LTN1: variants seen among roughly 807,000 people sequenced by gnomAD.
The protein encoded by LTN1 is listerin E3 ubiquitin protein ligase 1.
LTN1 carries 88 observed loss-of-function variants against 201.2 expected under a neutral mutation model. That is an observed-to-expected ratio of 0.44 (90% confidence interval 0.37 to 0.52). The LOEUF (loss-of-function observed/expected upper bound fraction) is 0.52, where lower values mean the gene tolerates loss of function less well. Among genes scored for constraint, LTN1 ranks in the 20% least tolerant of loss-of-function variants. The pLI is 0.00. For missense variants in LTN1, 1,752 were observed against 2,038.7 expected (o/e 0.86, Z 2.71); for synonymous variants, 645 against 713.5 (o/e 0.90, Z 1.53).
intron 6 of LTN1, among the ~76,000 whole-genome samples, chr21:28,974,736 T>A (rs2084602019): frequency 6.6e-6 from 1 of 152,198 alleles, no homozygotes; most frequent in Non-Finnish European, 1.5e-5. Flanking sequence ...ATATTCTGTA[T>A]TTTAACAGCC....
At position 28,968,042 on chromosome 21, in the gene LTN1, T is replaced by C. The variant is rs1048371489; in HGVS notation, c.1312-863A>G. 2.6e-5 allele frequency: 4 copies of C among 152,156 alleles called. 1 individual carries two copies. The highest frequency in any genetic ancestry group is 2.0e-4 in the Admixed American group (3 of 15,270). The allele number at this position is 152,156 out of a possible 1,614,324, so 9.4% of individuals were successfully genotyped here. A position where few individuals can be genotyped will look rare whatever the true frequency, so the allele number is the denominator to read the frequency against. On this transcript the variant is annotated intron_variant, in intron 9 of 29. Coordinates refer to ENST00000361371, the MANE Select transcript of LTN1 (RefSeq NM_015565.3). ...GAAGGTAAAAAATTGAAAAGTTCAA[T>C]TTTCAAGAGAAAATTTAAACAAAGT...
intron 6 of LTN1, 47 bp downstream of exon 6, chr21:28,981,072 G>T (rs2084654768): frequency 8.7e-7 from 1 of 1,154,848 alleles, no homozygotes. Flanking sequence ...AAGAAGATGG[G>T]GGTAAGGAAT....
chr21:28,988,058 G>A (rs2705658), intron 1 of LTN1, among the ~76,000 whole-genome samples: 89,439 of 150,490 alleles, frequency 0.59, 29,244 homozygotes, highest in South Asian at 0.76. Flanking sequence ...CAAGAGAATC[G>A]CTTGAACCGG....
In LTN1 at chr21:28,984,339, G is replaced by GTA. The variant is rs148605029; in HGVS notation, c.576+351_576+352dup. Reference sequence around the variant, plus strand: ...AAGAAAAAGACACTAAGTTAGATCTGTATATATATATATATTGATATGGAA... The same window carrying GTA: ...AAGAAAAAGACACTAAGTTAGATCTGTATATATATATATATATTGATATGGAA... On this transcript the variant is annotated intron_variant, in intron 4 of 29. Coordinates refer to ENST00000361371, the MANE Select transcript of LTN1 (RefSeq NM_015565.3). Among the ~76,000 whole-genome samples the GTA allele has an allele frequency of 3.5e-3, 524 of 149,674 alleles. 2 individuals are homozygous for GTA. Among genetic ancestry groups the GTA allele is most frequent in the Admixed American group, 4.1e-3 (61 of 15,034 alleles).
chr21:28,956,885 A>T lies in LTN1; in HGVS notation c.2956T>A (p.Phe986Ile), dbSNP rs765183363. The T allele has an allele frequency of 6.2e-7, 1 of 1,611,816 alleles. No homozygotes were observed. Among genetic ancestry groups the T allele is most frequent in the South Asian group, 1.1e-5 (1 of 90,716 alleles). The change falls in exon 16 of 30, where the codon TTT (phenylalanine) becomes ATT (isoleucine). Residue 986 changes from phenylalanine to isoleucine, a missense_variant. Phe to Ile is a conservative substitution (Grantham distance 21). This residue lies in a region of LTN1 where 1,211 missense variants were observed against 1,312.8 expected (regional missense o/e 0.92). Transcript: ENST00000361371. ...AGTGTCTTTATGTCCTGTTCCTTAA[A>T]ATCTGTTTTGAAACATTCATAATTC... ...SLNYECFKTD[F>I]KEQDIKTLPS...
At chr21:28,950,886 T>C (rs1325659682) in intron 18 of LTN1, among the ~76,000 whole-genome samples, 1 of 152,112 alleles carries the variant, frequency 6.6e-6, no homozygotes, top group Admixed American at 6.6e-5. Flanking sequence ...TGCTAGAGAT[T>C]AGGACAATGG....
chr21:28,961,775 T>C (rs2146292446), intron 11 of LTN1, among the ~76,000 whole-genome samples: 1 of 152,282 alleles, frequency 6.6e-6, no homozygotes, highest in Admixed American at 6.5e-5. Flanking sequence ...ATCTGTTTTT[T>C]AATTGATGGT....
intron 15 of LTN1, 71 bp downstream of exon 15, chr21:28,957,261 A>G (rs1309743295): frequency 4.3e-6 from 6 of 1,390,822 alleles, no homozygotes; most frequent in Non-Finnish European, 5.8e-6. Context: ...CTTCCCCAAA[A>G]TAAAAATATT....
rs1435601781 is a variant in LTN1, at chr21:28,956,883, A to C, written c.2958T>G (p.Phe986Leu). ...SLNYECFKTD[F>L]KEQDIKTLPS... ...GAAGTGTCTTTATGTCCTGTTCCTT[A>C]AAATCTGTTTTGAAACATTCATAAT... Residue 986 changes from phenylalanine (F) to leucine (L), a missense_variant, in exon 16 of 30, where the codon TTT becomes TTG. Transcript: ENST00000361371. 1 of 1,611,676 alleles carries C rather than the reference A, an allele frequency of 6.2e-7. No homozygotes were observed. The highest frequency in any genetic ancestry group is 1.7e-5 in the Admixed American group (1 of 59,728).
intron 27 of LTN1, 124 bp from the exon 28 acceptor site, chr21:28,932,788 C>T: frequency 1.6e-6 from 1 of 613,180 alleles, no homozygotes; most frequent in Non-Finnish European, 2.8e-6. Context: ...AATACATTCA[C>T]TTATCTGACA....
At chr21:28,945,215 T>C (rs1279741280) in intron 21 of LTN1, among the ~76,000 whole-genome samples, 2 of 151,978 alleles carry the variant, frequency 1.3e-5, no homozygotes, top group Admixed American at 6.6e-5. Flanking sequence ...AGCGAGATTC[T>C]ATCTCAAATT....
rs140470462 is a variant in LTN1, at chr21:28,987,523, T to C, written c.43-589A>G. ...ACTCATTTCCACACACTCCAAAGCC[T>C]AGCCTAACCTCTTTGGGCTAAAATT... On this transcript the variant is annotated intron_variant, in intron 1 of 29. Coordinates refer to ENST00000361371, the MANE Select transcript of LTN1 (RefSeq NM_015565.3). 7.4e-3 allele frequency among the ~76,000 whole-genome samples: 1,130 copies of C among 152,286 alleles called. 15 individuals carry two copies. The highest frequency in any genetic ancestry group is 0.012 in the Non-Finnish European group (826 of 68,024).
chr21:28,950,019 T>C (rs2084370097), intron 18 of LTN1, among the ~76,000 whole-genome samples: 1 of 152,312 alleles, frequency 6.6e-6, no homozygotes, highest in South Asian at 2.1e-4. Flanking sequence ...ATATATGTTA[T>C]ATTTGGCATG....
intron 6 of LTN1, among the ~76,000 whole-genome samples, chr21:28,973,518 A>T (rs1300742663): frequency 6.6e-6 from 1 of 152,070 alleles, no homozygotes; most frequent in African/African-American, 2.4e-5. Flanking sequence ...TTTATATAAA[A>T]TATTACCAAA....
chr21:28,953,328 G>C lies in LTN1; in HGVS notation c.3128C>G (p.Pro1043Arg). The change falls in exon 17 of 30, where the codon CCA (proline) becomes CGA (arginine). Residue 1043 changes from proline to arginine, a missense_variant. Physicochemically the swap from Pro to Arg is moderately radical, Grantham distance 103. Around this residue, in one of 3 missense-constraint regions of LTN1, gnomAD observed 1,211 missense variants for 1,312.8 expected, o/e 0.92. Transcript: ENST00000361371. ...SLQWCEELDN[P>R]PIFLIGFCEI... ...ACAAAATCCAATTAGAAAAATAGGTGGGTTATCTAATTCTTCACACCACTG... is the reference window on the plus strand; with the variant it reads ...ACAAAATCCAATTAGAAAAATAGGTCGGTTATCTAATTCTTCACACCACTG... 1 of 1,605,922 alleles carries C rather than the reference G, an allele frequency of 6.2e-7. No homozygotes were observed.
At chr21:28,981,337 G>T in intron 5 of LTN1, 38 bp from the exon 6 acceptor site, 2 of 1,164,244 alleles carry the variant, frequency 1.7e-6, no homozygotes, top group South Asian at 4.8e-5. Context: ...TAAAAATTTA[G>T]AATTAGCCAA....
At chr21:28,943,153 A>C (rs2084310356) in intron 24 of LTN1, 109 bp downstream of exon 24, 2 of 565,812 alleles carry the variant, frequency 3.5e-6, no homozygotes, top group Admixed American at 3.4e-5. Context: ...ATCTATCTGT[A>C]GAATGAATAT....
Position 28,992,813 on chromosome 21 carries a change from G to A in LTN1, c.-8C>T. Reference sequence around the variant, plus strand: ...CTTGTTCTTCCCGCCCATGGTCGCGGTTGCAGCTGTACTCTGAGCACTCAG... The same window carrying A: ...CTTGTTCTTCCCGCCCATGGTCGCGATTGCAGCTGTACTCTGAGCACTCAG... On this transcript the variant is annotated 5_prime_UTR_variant, in exon 1 of 30. Transcript: ENST00000361371. The A allele has an allele frequency of 6.2e-7, 1 of 1,614,186 alleles. No individual in the cohort carries two copies. Among genetic ancestry groups the A allele is most frequent in the Non-Finnish European group, 8.5e-7 (1 of 1,180,036 alleles).
intron 6 of LTN1, among the ~76,000 whole-genome samples, chr21:28,973,782 C>T (rs549876411): frequency 1.3e-5 from 2 of 152,174 alleles, no homozygotes; most frequent in Non-Finnish European, 2.9e-5. Context: ...GTTTTCAACA[C>T]AATATAAAAC....
Sources: gnomAD v4.1 joint callset for allele counts (sites outside exome capture counted in the v4.1 genomes callset) on GRCh38, gnomAD v4.1.1 for gene constraint, gnomAD v4.1.1 regional missense constraint, MANE v1.5 for transcripts, NCBI Gene and HGNC (gene_info 2026-07-23, HGNC 2026-07-21) for gene names.